Variants in TMEM198 observed in about 807,000 individuals in gnomAD.
The protein encoded by TMEM198 is transmembrane protein 198.
In TMEM198, 21 loss-of-function variants were observed where a neutral mutation model predicts 31.5. The observed-to-expected ratio is 0.67, with a 90% CI of 0.47 to 0.96. The LOEUF (loss-of-function observed/expected upper bound fraction) is 0.96. TMEM198 is among the 40% of genes least tolerant of loss of function. TMEM198 has a pLI of 0.00. For missense variants in TMEM198, 447 were observed against 499.4 expected, an observed-to-expected ratio of 0.89 and a Z score of 1.00; for synonymous variants, 211 against 223.3, an observed-to-expected ratio of 0.95 and a Z score of 0.49.
rs375371532 is a variant in TMEM198, at chr2:219,547,975, A to G, written c.636A>G (p.Pro212=). The part of the protein sequence containing the change: ...VERLRAAPVP[P]LCWRSWALLA... ...GACTCCGGGCTGCTCCTGTGCCCCC[A>G]CTCTGCTGGCGAAGCTGGGCCCTGC... Residue 212 remains proline (P), a synonymous_variant, in exon 3 of 5, where the codon CCA becomes CCG. Coordinates refer to ENST00000373883, the MANE Select transcript of TMEM198 (RefSeq NM_001005209.3). The G allele has an allele frequency of 5.6e-5, 89 of 1,587,234 alleles. No homozygotes were observed. In the African/African-American group the frequency reaches 1.1e-3, roughly 20 times the overall value.
Position 219,546,103 on chromosome 2 carries a change from C to CT in TMEM198, c.166+1211dup, listed in dbSNP as rs1313903592. 5.3e-5 allele frequency among the ~76,000 whole-genome samples: 8 copies of CT among 152,274 alleles called. No individual in the cohort carries two copies. In the Middle Eastern group the frequency reaches 0.01, roughly 196 times the overall value. On this transcript the variant is annotated intron_variant, in intron 2 of 4. Coordinates refer to ENST00000373883, the MANE Select transcript of TMEM198 (RefSeq NM_001005209.3). ...GTCACTACGCCCAGGCTCATGGACT[C>CT]TGAGCCCTTGTCCACGCCCTACTCC... is the stretch of plus-strand genomic sequence containing the variant.
chr2:219,547,685 G>A lies in TMEM198; in HGVS notation c.346G>A (p.Val116Met), dbSNP rs746987978. The A allele has an allele frequency of 1.9e-5, 29 of 1,561,998 alleles. No homozygotes were observed. The highest frequency in any genetic ancestry group is 7.1e-5 in the South Asian group (6 of 84,468). ...CGLVAMLVRS[V>M]GLFLVGLLLG... is the part of the protein sequence containing the mutation. ...GCTGGTGGCCATGCTAGTGCGCAGC[G>A]TGGGCCTCTTCCTGGTGGGGCTGCT... is the stretch of plus-strand genomic sequence containing the variant. The change falls in exon 3 of 5, where the codon GTG (valine) becomes ATG (methionine). Residue 116 changes from valine to methionine, a missense_variant. By Grantham distance (21) the Val-to-Met change is conservative (BLOSUM62 1). Coordinates refer to ENST00000373883, the MANE Select transcript of TMEM198 (RefSeq NM_001005209.3).
In TMEM198 at chr2:219,544,913, C is replaced by T; in HGVS notation, c.166+20C>T. ...TCTTCGGTGAGATCCCCATCTCATC[C>T]CTCACCTGGGCTCCCCAGTGTTTCC... On this transcript the variant is annotated intron_variant, in intron 2 of 4. Transcript: ENST00000373883. 2 of 1,609,190 alleles carry T rather than the reference C, an allele frequency of 1.2e-6. No individual in the cohort carries two copies. Among genetic ancestry groups the T allele is most frequent in the Middle Eastern group, 1.7e-4 (1 of 6,044 alleles).
At position 219,547,384 on chromosome 2, in the gene TMEM198, C is replaced by A. The variant is rs1695410459; in HGVS notation, c.167-122C>A. ...GTCATGACTCCAGTGACCCTCAATTCTCTGATCTTAGTGTCTTTGTCTCTG... is the reference window on the plus strand; with the variant it reads ...GTCATGACTCCAGTGACCCTCAATTATCTGATCTTAGTGTCTTTGTCTCTG... On this transcript the variant is annotated intron_variant, in intron 2 of 4. Transcript: ENST00000373883. 3 of 791,356 alleles carry A rather than the reference C, an allele frequency of 3.8e-6. No homozygotes were observed. In the Admixed American group the frequency reaches 8.9e-5, roughly 23 times the overall value. 49.0% of individuals were successfully genotyped at this position (791,356 alleles called of 1,614,324 possible). A position where few individuals can be genotyped will look rare whatever the true frequency, so the allele number is the denominator to read the frequency against.
chr2:219,550,560 T>C lies in TMEM198; in HGVS notation c.*706T>C, dbSNP rs1695546817. ...CCACCCCACTCTGTTTTACATCTTTTATAAATGTGCCAAACTGTGTGGCCT... is the reference window on the plus strand; with the variant it reads ...CCACCCCACTCTGTTTTACATCTTTCATAAATGTGCCAAACTGTGTGGCCT... On this transcript the variant is annotated 3_prime_UTR_variant, in exon 5 of 5. Transcript: ENST00000373883. The C allele has an allele frequency of 5.9e-6, 3 of 509,706 alleles. No homozygotes were observed. 31.6% of individuals were successfully genotyped at this position (509,706 alleles called of 1,614,324 possible).
rs1430023497 is a variant in TMEM198 at position 219,544,259 on chromosome 2, C to T, written c.-158C>T. The T allele has an allele frequency of 2.1e-6, 1 of 468,434 alleles. No individual in the cohort carries two copies. Among genetic ancestry groups the T allele is most frequent in the Admixed American group, 2.3e-5 (1 of 42,624 alleles). The allele number at this position is 468,434 out of a possible 1,614,324, so 29.0% of individuals were successfully genotyped here. A position where few individuals can be genotyped will look rare whatever the true frequency, so the allele number is the denominator to read the frequency against. On this transcript the variant is annotated 5_prime_UTR_variant, in exon 1 of 5. Transcript: ENST00000373883. ...TCTCCGGCCCAGCAGCCCCCTTCCTCGCACGACGGACTTTCCCTGGACCCC... is the reference window on the plus strand; with the variant it reads ...TCTCCGGCCCAGCAGCCCCCTTCCTTGCACGACGGACTTTCCCTGGACCCC...
At chr2:219,544,622 C>G in intron 1 of TMEM198, 67 bp from the exon 2 acceptor site, 1 of 1,358,108 alleles carries the variant, frequency 7.4e-7, no homozygotes, top group Non-Finnish European at 1.0e-6. Context: ...TTCTCCCAAT[C>G]CCTCTCCCAC....
intron 1 of TMEM198, 87 bp from the exon 2 acceptor site, chr2:219,544,602 C>G: frequency 9.3e-7 from 1 of 1,080,402 alleles, no homozygotes; most frequent in Non-Finnish European, 1.4e-6. Flanking sequence ...TGTCCACTGT[C>G]CTTGCTGAGT....
At chr2:219,546,047 T>C (rs1276947355) in intron 2 of TMEM198, among the ~76,000 whole-genome samples, 1 of 152,140 alleles carries the variant, frequency 6.6e-6, no homozygotes, top group African/African-American at 2.4e-5. Flanking sequence ...TTCCCTCTCC[T>C]GGGCTTCCTG....
intron 2 of TMEM198, among the ~76,000 whole-genome samples, chr2:219,545,212 T>G (rs1285692385): frequency 6.6e-6 from 1 of 152,258 alleles, no homozygotes; most frequent in African/African-American, 2.4e-5. Context: ...TAAGAATTAG[T>G]AAGCATTCAA....
intron 3 of TMEM198, among the ~76,000 whole-genome samples, chr2:219,548,286 C>A (rs772002260): frequency 2.6e-5 from 4 of 152,230 alleles, no homozygotes; most frequent in Admixed American, 6.5e-5. Context: ...GCACCAACCC[C>A]ATTCCAGGCA....
chr2:219,550,061 C>G lies in TMEM198; in HGVS notation c.*207C>G, dbSNP rs992365650. 8 of 645,158 alleles carry G rather than the reference C, an allele frequency of 1.2e-5. No individual in the cohort carries two copies. Among genetic ancestry groups the G allele is most frequent in the Non-Finnish European group, 1.5e-5 (6 of 388,094 alleles). The allele number at this position is 645,158 out of a possible 1,614,324, so 40.0% of individuals were successfully genotyped here. A position where few individuals can be genotyped will look rare whatever the true frequency, so the allele number is the denominator to read the frequency against. ...AAGCTCCCAAGAGGCTCCTGAGGAA[C>G]TCGGGGTGTGAACCCCATTGGGGTG... On this transcript the variant is annotated 3_prime_UTR_variant, in exon 5 of 5. Transcript: ENST00000373883.
In TMEM198 at chr2:219,544,731, C is replaced by T; in HGVS notation, c.4C>T (p.Pro2Ser). M[P>S]GTVATLRFQL... Reference sequence around the variant, plus strand: ...ACTCCCTTCTATTCCCAGCACTATGCCGGGGACTGTGGCAACACTGCGGTT... The same window carrying T: ...ACTCCCTTCTATTCCCAGCACTATGTCGGGGACTGTGGCAACACTGCGGTT... Residue 2 changes from proline to serine, a missense_variant, in exon 2 of 5, where the codon CCG becomes TCG. By Grantham distance (74) the Pro-to-Ser change is moderately conservative (BLOSUM62 -1). Coordinates refer to ENST00000373883, the MANE Select transcript of TMEM198 (RefSeq NM_001005209.3). 1 of 1,613,602 alleles carries T rather than the reference C, an allele frequency of 6.2e-7. No homozygotes were observed. Among genetic ancestry groups the T allele is most frequent in the Non-Finnish European group, 8.5e-7 (1 of 1,179,968 alleles).
In TMEM198 at chr2:219,550,032, T is replaced by C. The variant is rs559907534; in HGVS notation, c.*178T>C. On this transcript the variant is annotated 3_prime_UTR_variant, in exon 5 of 5. Coordinates refer to ENST00000373883, the MANE Select transcript of TMEM198 (RefSeq NM_001005209.3). ...GTCTTGGCCTGAGAGGAAAGCCCCC[T>C]CCCAAGCTCCCAAGAGGCTCCTGAG... is the stretch of plus-strand genomic sequence containing the variant. 44 of 794,426 alleles carry C rather than the reference T, an allele frequency of 5.5e-5. No homozygotes were observed. In the East Asian group the frequency reaches 1.2e-3, roughly 22 times the overall value. The allele number at this position is 794,426 out of a possible 1,614,324, so 49.2% of individuals were successfully genotyped here.
Position 219,549,219 on chromosome 2 carries a change from G to A in TMEM198, c.810G>A (p.Glu270=). The part of the protein sequence containing the change: ...MRIRQQEDRK[E]KRRKKRPPRA... ...TTCGGCAGCAGGAAGATCGCAAGGA[G>A]AAAAGGCGGAAAAAGAGACCTCCTC... The change falls in exon 4 of 5, where the codon GAG becomes GAA. Residue 270 remains glutamate (E), a synonymous_variant. Coordinates refer to ENST00000373883, the MANE Select transcript of TMEM198 (RefSeq NM_001005209.3). 3.1e-6 allele frequency: 5 copies of A among 1,614,044 alleles called. No individual in the cohort carries two copies. Among genetic ancestry groups the A allele is most frequent in the Non-Finnish European group, 3.4e-6 (4 of 1,180,036 alleles).
Position 219,547,775 on chromosome 2 carries a change from G to A in TMEM198, c.436G>A (p.Val146Met), listed in dbSNP as rs369931895. The change falls in exon 3 of 5, where the codon GTG becomes ATG. Residue 146 changes from valine to methionine, a missense_variant. Physicochemically the swap from Val to Met is conservative, Grantham distance 21 (BLOSUM62 1). Transcript: ENST00000373883. ...CGCACCCTACTACCAGCCAGGCTCC[G>A]TGTGGGGTCCACTGGGGCTGTTGCT... is the stretch of plus-strand genomic sequence containing the variant. ...GSAPYYQPGS[V>M]WGPLGLLLGG... The A allele has an allele frequency of 3.8e-6, 6 of 1,594,018 alleles. No individual in the cohort carries two copies. Among genetic ancestry groups the A allele is most frequent in the African/African-American group, 1.3e-5 (1 of 74,790 alleles).
chr2:219,546,687 G>A (rs1042930063), intron 2 of TMEM198, among the ~76,000 whole-genome samples: 2 of 151,316 alleles, frequency 1.3e-5, no homozygotes, highest in African/African-American at 4.9e-5. Flanking sequence ...TGTCCTCTTT[G>A]TAACCTTTCA....
chr2:219,548,939 C>T (rs12996466), intron 3 of TMEM198: 564,702 of 579,344 alleles, frequency 0.97, 276,109 homozygotes, highest in East Asian at 1. Flanking sequence ...AGCCTAGCAA[C>T]CTTCCATAAA....
At chr2:219,548,733 A>G (rs10932812) in intron 3 of TMEM198, among the ~76,000 whole-genome samples, 144,933 of 152,256 alleles carry the variant, frequency 0.95, 69,344 homozygotes, top group East Asian at 1. Flanking sequence ...ACCACTGGAG[A>G]GTTTAAAGTA....
Sources: allele counts gnomAD v4.1 joint callset (sites outside exome capture counted in the v4.1 genomes callset), GRCh38; gene constraint gnomAD v4.1.1; transcripts MANE v1.5; gene names NCBI Gene and HGNC (gene_info 2026-07-23, HGNC 2026-07-21).